The following GABRA1 variants were observed in gnomAD, a reference collection of about 807,000 sequenced individuals.
The protein encoded by GABRA1 is gamma-aminobutyric acid type A receptor subunit alpha1.
In GABRA1, 9 loss-of-function variants were observed where a neutral mutation model predicts 48.9. That is an observed-to-expected ratio of 0.18 (90% CI 0.11 to 0.32). The LOEUF is 0.32. GABRA1 is among the 10% of genes least tolerant of loss of function. GABRA1 has a pLI of 1.00. For synonymous variants in GABRA1, 210 were observed against 198.7 expected (o/e 1.06, Z -0.48); for missense variants, 285 against 553.8 (o/e 0.51, Z 4.87).
intron 6 of GABRA1, 49 bp from the exon 7 acceptor site, chr5:161,882,509 G>T: frequency 6.5e-7 from 1 of 1,549,928 alleles, no homozygotes. Flanking sequence ...CTAAATAAGA[G>T]AATTGAAGTG....
At chr5:161,896,907 GTGT>G (rs1387246077) in intron 9 of GABRA1, among the ~76,000 whole-genome samples, 6 of 152,104 alleles carry the variant, frequency 3.9e-5, no homozygotes, top group African/African-American at 1.4e-4. Flanking sequence ...AAAATCTAAG[GTGT>G]TGTACTTCTT....
At chr5:161,862,001 G>A (rs1229185398) in intron 3 of GABRA1, among the ~76,000 whole-genome samples, 3 of 151,900 alleles carry the variant, frequency 2.0e-5, no homozygotes, top group South Asian at 2.1e-4. Context: ...CAGCATTTCC[G>A]GGGAAAATAT....
chr5:161,883,050 G>A (rs556392397), intron 7 of GABRA1, among the ~76,000 whole-genome samples: 1 of 152,244 alleles, frequency 6.6e-6, no homozygotes, highest in East Asian at 1.9e-4. Flanking sequence ...CAGGGTGGTT[G>A]GAAGAAATAC....
At chr5:161,874,690 A>G (rs143637204) in intron 5 of GABRA1, among the ~76,000 whole-genome samples, 1 of 152,272 alleles carries the variant, frequency 6.6e-6, no homozygotes, top group East Asian at 1.9e-4. Flanking sequence ...TATACTTTGT[A>G]TATTTGCTTT....
chr5:161,886,940 A>C (rs1196696114), intron 7 of GABRA1, among the ~76,000 whole-genome samples: 1 of 152,138 alleles, frequency 6.6e-6, no homozygotes, highest in African/African-American at 2.4e-5. Context: ...GTAAGTCTTC[A>C]AGGACAGCCC....
rs1209630324 is a variant in GABRA1, at chr5:161,899,834, A to T, written c.*2412A>T. On this transcript the variant is annotated 3_prime_UTR_variant, in exon 10 of 10. Transcript: ENST00000393943. ...CAGTGAAGTGGCAATAAAACCTAAC[A>T]TGAATCAAGGTTGTTTATGGCAGAT... The T allele has an allele frequency of 6.6e-6, 1 of 152,200 alleles. No individual in the cohort carries two copies. The highest frequency in any genetic ancestry group is 1.5e-5 in the Non-Finnish European group (1 of 68,014). 9.4% of individuals were successfully genotyped at this position (152,200 alleles called of 1,614,324 possible).
intron 6 of GABRA1, among the ~76,000 whole-genome samples, chr5:161,879,203 G>T (rs2113401807): frequency 6.6e-6 from 1 of 152,246 alleles, no homozygotes; most frequent in East Asian, 1.9e-4. Context: ...CAACCTTTTG[G>T]GCTCAAGTGG....
chr5:161,892,727 C>T (rs920170294), intron 8 of GABRA1, among the ~76,000 whole-genome samples: 4 of 151,964 alleles, frequency 2.6e-5, no homozygotes, highest in African/African-American at 9.7e-5. Context: ...CAGGACAGGC[C>T]GGGCACGGGG....
At chr5:161,876,928 T>C (rs917101131) in intron 6 of GABRA1, among the ~76,000 whole-genome samples, 1 of 152,182 alleles carries the variant, frequency 6.6e-6, no homozygotes, top group Non-Finnish European at 1.5e-5. Flanking sequence ...GGTTTATGCC[T>C]AATATACTGG....
At chr5:161,868,793 G>A (rs1052252442) in intron 4 of GABRA1, among the ~76,000 whole-genome samples, 2 of 152,114 alleles carry the variant, frequency 1.3e-5, no homozygotes, top group African/African-American at 4.8e-5. Flanking sequence ...CAGATTAATT[G>A]TGATTCCATA....
chr5:161,871,002 TAC>T (rs1754093934), intron 4 of GABRA1, among the ~76,000 whole-genome samples: 1 of 145,568 alleles, frequency 6.9e-6, no homozygotes, highest in African/African-American at 2.6e-5. Context: ...GTGTGACTGG[TAC>T]AGTATTTGAA....
At position 161,898,233 on chromosome 5, in the gene GABRA1, T is replaced by C. The variant is rs2113473833; in HGVS notation, c.*811T>C. The C allele has an allele frequency of 6.5e-6, 1 of 152,752 alleles. No individual in the cohort carries two copies. Among genetic ancestry groups the C allele is most frequent in the Non-Finnish European group, 1.5e-5 (1 of 68,010 alleles). The allele number at this position is 152,752 out of a possible 1,614,324, so 9.5% of individuals were successfully genotyped here. A position where few individuals can be genotyped will look rare whatever the true frequency, so the allele number is the denominator to read the frequency against. The stretch of plus-strand genomic sequence containing the variant: ...AAAATAGTTTAAAAATATTCCCTTT[T>C]TCACCCTATTTTCAGATAGCACATG... On this transcript the variant is annotated 3_prime_UTR_variant, in exon 10 of 10. Coordinates refer to ENST00000393943, the MANE Select transcript of GABRA1 (RefSeq NM_001127644.2).
At chr5:161,861,746 G>T (rs540716218) in intron 3 of GABRA1, among the ~76,000 whole-genome samples, 2 of 152,008 alleles carry the variant, frequency 1.3e-5, no homozygotes, top group South Asian at 2.1e-4. Context: ...CTGGAACATT[G>T]CTTTATCCAG....
chr5:161,867,526 CAA>C (rs1389569223), intron 4 of GABRA1, among the ~76,000 whole-genome samples: 1 of 152,116 alleles, frequency 6.6e-6, no homozygotes, highest in Non-Finnish European at 1.5e-5. Flanking sequence ...TTCTAAGGCT[CAA>C]AGTCTTTCAA....
Position 161,865,799 on chromosome 5 carries a change from A to G in GABRA1, c.255+11A>G. 6.2e-7 allele frequency: 1 copy of G among 1,606,460 alleles called. No homozygotes were observed. The highest frequency in any genetic ancestry group is 8.5e-7 in the Non-Finnish European group (1 of 1,173,336). On this transcript the variant is annotated intron_variant, in intron 4 of 9. Coordinates refer to ENST00000393943, the MANE Select transcript of GABRA1 (RefSeq NM_001127644.2). Reference sequence around the variant, plus strand: ...TCAGACCATGATATGGTAAGTGGACACTTTATCTTTGCTTTTCTTGAAGAA... The same window carrying G: ...TCAGACCATGATATGGTAAGTGGACGCTTTATCTTTGCTTTTCTTGAAGAA...
At chr5:161,873,011 A>T in intron 4 of GABRA1, 106 bp from the exon 5 acceptor site, 1 of 822,524 alleles carries the variant, frequency 1.2e-6, no homozygotes, top group Non-Finnish European at 2.2e-6. Flanking sequence ...TCACCTAGCT[A>T]ACATTATACT....
chr5:161,869,392 A>C (rs1235845946), intron 4 of GABRA1, among the ~76,000 whole-genome samples: 3 of 152,142 alleles, frequency 2.0e-5, no homozygotes, highest in African/African-American at 7.2e-5. Context: ...TAAGTGTAGC[A>C]ACTTGAACCC....
At chr5:161,873,443 G>A (rs1314903972) in intron 5 of GABRA1, 106 bp downstream of exon 5, 1 of 910,886 alleles carries the variant, frequency 1.1e-6, no homozygotes, top group Non-Finnish European at 1.8e-6. Flanking sequence ...TTGCTTCCTT[G>A]TTTTTCAACC....
intron 8 of GABRA1, among the ~76,000 whole-genome samples, chr5:161,894,040 AT>A (rs199862586): frequency 6.6e-6 from 1 of 152,148 alleles, no homozygotes; most frequent in Non-Finnish European, 1.5e-5. Context: ...ATAAACCAAG[AT>A]TTTTTTAAAA....
Sources: allele counts gnomAD v4.1 joint callset (sites outside exome capture counted in the v4.1 genomes callset), GRCh38; gene constraint gnomAD v4.1.1; transcripts MANE v1.5; gene names NCBI Gene and HGNC (gene_info 2026-07-23, HGNC 2026-07-21).